The following CWC27 variants were observed in gnomAD, a reference collection of about 807,000 sequenced individuals.
The protein encoded by CWC27 is spliceosome-associated protein CWC27 homolog.
A neutral mutation model predicts 63.6 loss-of-function variants in CWC27; 47 were observed. That is an observed-to-expected ratio of 0.74 (90% CI 0.58 to 0.94). The LOEUF (loss-of-function observed/expected upper bound fraction) is 0.94, where lower values mean the gene tolerates loss of function less well. Among genes scored for constraint, CWC27 ranks in the 40% least tolerant of loss-of-function variants. The pLI is 0.00. For synonymous variants in CWC27, 175 were observed against 179.8 expected (o/e 0.97, Z 0.22); for missense variants, 495 against 554.3 (o/e 0.89, Z 1.07).
At chr5:64,791,655 A>G (rs1477682772) in intron 7 of CWC27, among the ~76,000 whole-genome samples, 5 of 151,990 alleles carry the variant, frequency 3.3e-5, no homozygotes, top group African/African-American at 9.7e-5. Flanking sequence ...GTTATCATCA[A>G]ATGCTTGTAT....
intron 10 of CWC27, among the ~76,000 whole-genome samples, chr5:64,855,551 G>A (rs992824684): frequency 3.3e-5 from 5 of 152,110 alleles, no homozygotes; most frequent in African/African-American, 1.2e-4. Flanking sequence ...AAAACTAAGT[G>A]CCATGAGGAA....
chr5:64,992,881 A>G (rs182312621), intron 13 of CWC27, among the ~76,000 whole-genome samples: 32 of 152,106 alleles, frequency 2.1e-4, no homozygotes, highest in Non-Finnish European at 2.1e-4. Flanking sequence ...GGTACATTCC[A>G]TGGAGGTACA....
chr5:64,858,613 C>T (rs1746320192), intron 10 of CWC27, among the ~76,000 whole-genome samples: 1 of 151,500 alleles, frequency 6.6e-6, no homozygotes. Context: ...AATACTTGAC[C>T]AGACATTCAT....
Position 65,004,861 on chromosome 5 carries a change from CATATATATATATATATATAT to C in CWC27, c.1257-13272_1257-13253del, listed in dbSNP as rs1170127729. Among the ~76,000 whole-genome samples the C allele has an allele frequency of 4.4e-3, 199 of 45,488 alleles. 2 individuals are homozygous for C. Among genetic ancestry groups the C allele is most frequent in the African/African-American group, 0.013 (159 of 11,926 alleles). 29.8% of individuals were successfully genotyped at this position (45,488 alleles called of 152,430 possible). ...TGGCCTTCAGAGGGAAAGACTTTTT[CATATATATATATATATATAT>C]ATATATATATATATATATATATATA... On this transcript the variant is annotated intron_variant, in intron 13 of 13. Coordinates refer to ENST00000381070, the MANE Select transcript of CWC27 (RefSeq NM_005869.4).
At chr5:64,839,898 A>T (rs1035806871) in intron 10 of CWC27, among the ~76,000 whole-genome samples, 2 of 152,150 alleles carry the variant, frequency 1.3e-5, no homozygotes, top group African/African-American at 4.8e-5. Context: ...GTGACCAAAG[A>T]GGAAGCAGCC....
intron 10 of CWC27, among the ~76,000 whole-genome samples, chr5:64,875,555 A>G (rs1746775912): frequency 6.6e-6 from 1 of 152,150 alleles, no homozygotes; most frequent in Non-Finnish European, 1.5e-5. Flanking sequence ...CTTTTCAGCT[A>G]GGTTATAATG....
chr5:64,890,175 G>A lies in CWC27; in HGVS notation c.1042+4629G>A, dbSNP rs535401054. Among the ~76,000 whole-genome samples the A allele has an allele frequency of 2.6e-4, 39 of 152,256 alleles. No individual in the cohort carries two copies. In the South Asian group the frequency reaches 4.4e-3, roughly 17 times the overall value. On this transcript the variant is annotated intron_variant, in intron 11 of 13. Coordinates refer to ENST00000381070, the MANE Select transcript of CWC27 (RefSeq NM_005869.4). ...CTATGACTGGTGCCAGAAATTAGAG[G>A]AGAAGGGTCAGGCTGAGCTTGTAAA...
At chr5:64,845,240 A>G (rs1745945295) in intron 10 of CWC27, among the ~76,000 whole-genome samples, 1 of 152,202 alleles carries the variant, frequency 6.6e-6, no homozygotes, top group Admixed American at 6.5e-5. Context: ...GTGAACCTCT[A>G]TCCATGCCAA....
chr5:64,873,218 A>G (rs2112327617), intron 10 of CWC27, among the ~76,000 whole-genome samples: 1 of 152,326 alleles, frequency 6.6e-6, no homozygotes, highest in South Asian at 2.1e-4. Context: ...AAATAGCCAA[A>G]GAAAGAAAGC....
chr5:64,921,298 A>G (rs1291738495), intron 11 of CWC27, among the ~76,000 whole-genome samples: 5 of 151,924 alleles, frequency 3.3e-5, no homozygotes, highest in Admixed American at 1.3e-4. Flanking sequence ...CTGAGAGTGT[A>G]GTTAGTATGG....
chr5:64,894,745 A>C (rs1324844316), intron 11 of CWC27, among the ~76,000 whole-genome samples: 1 of 152,230 alleles, frequency 6.6e-6, no homozygotes, highest in Non-Finnish European at 1.5e-5. Context: ...GTATGAACTA[A>C]GATAAGTTAG....
At chr5:64,783,229 T>C (rs1743760662) in intron 3 of CWC27, among the ~76,000 whole-genome samples, 1 of 152,186 alleles carries the variant, frequency 6.6e-6, no homozygotes, top group Non-Finnish European at 1.5e-5. Flanking sequence ...AAGAGACTAA[T>C]ATATTTGTTA....
At chr5:64,840,377 AAAAAAAAAAAAAAAAAAAT>A (rs1745777375) in intron 10 of CWC27, among the ~76,000 whole-genome samples, 1 of 65,814 alleles carries the variant, frequency 1.5e-5, no homozygotes, top group Non-Finnish European at 2.9e-5. Context: ...AAAAAAAAAA[AAAAAAAAAAAAAAAAAAAT>A]ATATATATAT....
intron 11 of CWC27, among the ~76,000 whole-genome samples, chr5:64,911,606 A>T (rs1747786836): frequency 6.6e-6 from 1 of 152,172 alleles, no homozygotes. Flanking sequence ...AATCTGCTGA[A>T]TTTAGAGGGT....
At chr5:64,890,962 C>CT (rs774915788) in intron 11 of CWC27, among the ~76,000 whole-genome samples, 3 of 152,086 alleles carry the variant, frequency 2.0e-5, no homozygotes, top group Non-Finnish European at 2.9e-5. Flanking sequence ...AAAAGCATGG[C>CT]TAGAGACATT....
At chr5:64,889,371 C>A (rs1369775519) in intron 11 of CWC27, among the ~76,000 whole-genome samples, 3 of 152,144 alleles carry the variant, frequency 2.0e-5, no homozygotes, top group African/African-American at 7.2e-5. Context: ...ATTATTTTTG[C>A]AACTTCTGTG....
intron 11 of CWC27, among the ~76,000 whole-genome samples, chr5:64,893,701 C>T (rs1476888588): frequency 1.3e-5 from 2 of 152,250 alleles, no homozygotes; most frequent in South Asian, 4.2e-4. Context: ...CATTGAGAAC[C>T]TATTTTGATA....
chr5:64,943,592 T>C (rs905383248), intron 11 of CWC27, among the ~76,000 whole-genome samples: 3 of 152,252 alleles, frequency 2.0e-5, no homozygotes, highest in Non-Finnish European at 2.9e-5. Flanking sequence ...GTCTACTATG[T>C]GCCAGGCACA....
chr5:64,830,768 A>G (rs1161624092), intron 10 of CWC27, among the ~76,000 whole-genome samples: 2 of 152,194 alleles, frequency 1.3e-5, no homozygotes, highest in East Asian at 3.8e-4. Flanking sequence ...TGGGCAAAGG[A>G]TATGAACAGA....
Sources: gnomAD v4.1 joint callset for allele counts (sites outside exome capture counted in the v4.1 genomes callset) on GRCh38, gnomAD v4.1.1 for gene constraint, MANE v1.5 for transcripts, NCBI Gene and HGNC (gene_info 2026-07-23, HGNC 2026-07-21) for gene names.